The following ADORA2B variants were observed in gnomAD, a reference collection of about 807,000 sequenced individuals.
ADORA2B encodes adenosine A2b receptor, also known as adenosine receptor A2b.
ADORA2B carries 18 observed loss-of-function variants against 20.8 expected under a neutral mutation model. The observed-to-expected ratio is 0.87, with a 90% confidence interval of 0.60 to 1.29. The LOEUF is 1.29. Among genes scored for constraint, ADORA2B ranks in the 50% most tolerant of loss-of-function variants. The pLI, the probability that ADORA2B is intolerant of heterozygous loss-of-function variation, is 0.00. For synonymous variants in ADORA2B, 179 were observed against 178.3 expected (o/e 1.00, Z -0.03); for missense variants, 441 against 422.7 (o/e 1.04, Z -0.38).
At chr17:15,915,910 TGG>T in the ADORA2B span, among the ~76,000 whole-genome samples, 1 of 152,192 alleles carries the variant, frequency 6.6e-6, no homozygotes, top group Admixed American at 6.5e-5. Flanking sequence ...ACCAGCTATG[TGG>T]ACATCCCTTG....
At chr17:15,934,346 C>T in the ADORA2B span, among the ~76,000 whole-genome samples, 1 of 152,110 alleles carries the variant, frequency 6.6e-6, no homozygotes, top group Non-Finnish European at 1.5e-5. Flanking sequence ...CTGCCTCAGC[C>T]TCCCAAGTAG....
chr17:15,953,550 G>A (rs1196891703), intron 1 of ADORA2B, among the ~76,000 whole-genome samples: 3 of 152,192 alleles, frequency 2.0e-5, no homozygotes, highest in African/African-American at 4.8e-5. Context: ...CGCCAGGCCC[G>A]TGGCTCATGC....
At chr17:15,955,294 G>A (rs1414065898) in intron 1 of ADORA2B, among the ~76,000 whole-genome samples, 2 of 152,140 alleles carry the variant, frequency 1.3e-5, no homozygotes, top group African/African-American at 2.4e-5. Flanking sequence ...GTACTTGGGT[G>A]CCCTGGGACA....
chr17:15,900,456 T>A, the ADORA2B span, among the ~76,000 whole-genome samples: 1 of 152,124 alleles, frequency 6.6e-6, no homozygotes, highest in Admixed American at 6.5e-5. Flanking sequence ...TTTTTATTTT[T>A]TATTTTTTTG....
chr17:15,964,575 C>G (rs557545994), intron 1 of ADORA2B, among the ~76,000 whole-genome samples: 2 of 148,876 alleles, frequency 1.3e-5, no homozygotes, highest in African/African-American at 2.5e-5. Flanking sequence ...TGACACTGCA[C>G]CTTCATTCCA....
chr17:15,918,650 T>C, the ADORA2B span, among the ~76,000 whole-genome samples: 1 of 152,090 alleles, frequency 6.6e-6, no homozygotes, highest in East Asian at 1.9e-4. Flanking sequence ...TTTTGTATTT[T>C]TAGTAGATAT....
the ADORA2B span, among the ~76,000 whole-genome samples, chr17:15,862,316 A>G: frequency 1.2e-3 from 185 of 148,658 alleles, 3 homozygotes; most frequent in African/African-American, 4.0e-3. Flanking sequence ...CCTGGGTCCA[A>G]GTGATTCTCA....
the ADORA2B span, among the ~76,000 whole-genome samples, chr17:15,935,441 G>C: frequency 6.6e-6 from 1 of 152,094 alleles, no homozygotes; most frequent in Non-Finnish European, 1.5e-5. Flanking sequence ...AGGGTTCCTT[G>C]TACATAATAA....
the ADORA2B span, among the ~76,000 whole-genome samples, chr17:15,859,012 T>C: frequency 6.6e-6 from 1 of 152,148 alleles, no homozygotes; most frequent in African/African-American, 2.4e-5. Context: ...TTTAAAGACA[T>C]AGGGTCTTGC....
At chr17:15,867,326 A>G in the ADORA2B span, among the ~76,000 whole-genome samples, 2 of 148,794 alleles carry the variant, frequency 1.3e-5, no homozygotes, top group African/African-American at 5.0e-5. Context: ...CCGCCATCCC[A>G]TCTATGAAGT....
At chr17:15,919,123 A>T in the ADORA2B span, among the ~76,000 whole-genome samples, 1 of 152,050 alleles carries the variant, frequency 6.6e-6, no homozygotes. Flanking sequence ...ATGCAGTGTG[A>T]CCTCCTCGTT....
At chr17:15,972,477 G>T (rs902246940) in intron 1 of ADORA2B, among the ~76,000 whole-genome samples, 1 of 152,188 alleles carries the variant, frequency 6.6e-6, no homozygotes, top group African/African-American at 2.4e-5. Flanking sequence ...ATAACAAAAT[G>T]TGTACCTTTG....
At chr17:15,948,052 TG>T (rs1410945108) in intron 1 of ADORA2B, among the ~76,000 whole-genome samples, 1 of 151,988 alleles carries the variant, frequency 6.6e-6, no homozygotes, top group African/African-American at 2.4e-5. Context: ...GGAGGAGGTG[TG>T]TCCCCTTTGA....
At chr17:15,937,687 C>T in the ADORA2B span, among the ~76,000 whole-genome samples, 1 of 151,994 alleles carries the variant, frequency 6.6e-6, no homozygotes, top group African/African-American at 2.4e-5. Flanking sequence ...ATTATTCTGC[C>T]TCAGCCTCCC....
the ADORA2B span, among the ~76,000 whole-genome samples, chr17:15,909,130 G>A: frequency 6.6e-6 from 1 of 151,988 alleles, no homozygotes; most frequent in Non-Finnish European, 1.5e-5. Flanking sequence ...TGGAGGCACG[G>A]TCAAGTATGA....
chr17:15,918,617 G>A, the ADORA2B span, among the ~76,000 whole-genome samples: 10 of 152,218 alleles, frequency 6.6e-5, 2 homozygotes, highest in African/African-American at 2.4e-4. Context: ...GATTACAGGC[G>A]AGTGCCACCA....
chr17:15,880,564 A>C, the ADORA2B span, among the ~76,000 whole-genome samples: 2 of 141,184 alleles, frequency 1.4e-5, no homozygotes, highest in Non-Finnish European at 3.1e-5. Flanking sequence ...AGGGACTCCA[A>C]AGACCCAGAG....
At chr17:15,925,418 G>C in the ADORA2B span, among the ~76,000 whole-genome samples, 1 of 151,842 alleles carries the variant, frequency 6.6e-6, no homozygotes, top group Non-Finnish European at 1.5e-5. Flanking sequence ...CAAAGTACTG[G>C]GATTACAGGC....
chr17:15,888,852 T>TATATA, the ADORA2B span, among the ~76,000 whole-genome samples: 2 of 19,644 alleles, frequency 1.0e-4, no homozygotes, highest in African/African-American at 2.8e-4. Flanking sequence ...ATATATATAT[T>TATATA]TTTTTTTTTT....
Sources: gnomAD v4.1 joint callset for allele counts (sites outside exome capture counted in the v4.1 genomes callset) on GRCh38, gnomAD v4.1.1 for gene constraint, MANE v1.5 for transcripts, NCBI Gene and HGNC (gene_info 2026-07-23, HGNC 2026-07-21) for gene names.